The following DSCAM variants were observed in gnomAD, a reference collection of about 807,000 sequenced individuals.
The protein encoded by DSCAM is DS cell adhesion molecule.
Under a neutral mutation model 217.7 loss-of-function variants are expected in DSCAM, and 47 were observed. The ratio of observed to expected loss-of-function variants is 0.22; its 90% confidence interval spans 0.17 to 0.28. DSCAM has a LOEUF of 0.28. Ranked by LOEUF, DSCAM falls within the 10% of genes least tolerant of loss-of-function variation. DSCAM has a pLI of 1.00. For synonymous variants in DSCAM, 1,056 were observed against 1,015.3 expected (o/e 1.04, Z -0.76); for missense variants, 2,080 against 2,618.3 (o/e 0.79, Z 4.49).
At chr21:40,819,314 G>C (rs1427513542) in intron 1 of DSCAM, among the ~76,000 whole-genome samples, 1 of 152,218 alleles carries the variant, frequency 6.6e-6, no homozygotes, top group Admixed American at 6.5e-5. Context: ...ACAGCACTGT[G>C]CTGGGCTGCA....
intron 2 of DSCAM, among the ~76,000 whole-genome samples, chr21:40,703,475 C>A (rs2090679567): frequency 6.6e-6 from 1 of 152,082 alleles, no homozygotes; most frequent in Admixed American, 6.5e-5. Context: ...GCGATGATCA[C>A]CCCACTGCAC....
intron 3 of DSCAM, among the ~76,000 whole-genome samples, chr21:40,595,026 A>G (rs1277921725): frequency 6.6e-6 from 1 of 152,214 alleles, no homozygotes. Flanking sequence ...TAGCCCAGGC[A>G]GCACAGGGCA....
At chr21:40,382,782 G>T (rs2075040253) in intron 3 of DSCAM, among the ~76,000 whole-genome samples, 1 of 152,084 alleles carries the variant, frequency 6.6e-6, no homozygotes, top group East Asian at 1.9e-4. Flanking sequence ...TTCCCTAAAT[G>T]ACTTCCCCAG....
At chr21:40,145,866 G>A (rs775508195) in intron 16 of DSCAM, among the ~76,000 whole-genome samples, 8 of 151,712 alleles carry the variant, frequency 5.3e-5, no homozygotes, top group African/African-American at 1.7e-4. Context: ...AAAGATATGC[G>A]AATGCCACCA....
At chr21:40,663,593 T>C (rs551064951) in intron 3 of DSCAM, among the ~76,000 whole-genome samples, 29 of 152,276 alleles carry the variant, frequency 1.9e-4, no homozygotes, top group African/African-American at 6.7e-4. Flanking sequence ...CTAGACATGG[T>C]GACTCGTTCA....
chr21:40,450,298 C>T (rs2075707959), intron 3 of DSCAM, among the ~76,000 whole-genome samples: 1 of 152,098 alleles, frequency 6.6e-6, no homozygotes, highest in Non-Finnish European at 1.5e-5. Flanking sequence ...CTGAAGAGGC[C>T]GTCAAGTACA....
At chr21:40,272,243 C>T (rs1475991347) in intron 11 of DSCAM, among the ~76,000 whole-genome samples, 1 of 152,156 alleles carries the variant, frequency 6.6e-6, no homozygotes, top group Admixed American at 6.5e-5. Context: ...CCTACTCCCT[C>T]TGCCTTTTCT....
At chr21:40,751,043 CT>C (rs2091222409) in intron 1 of DSCAM, among the ~76,000 whole-genome samples, 1 of 152,182 alleles carries the variant, frequency 6.6e-6, no homozygotes, top group Non-Finnish European at 1.5e-5. Context: ...AACATCCTCT[CT>C]GTCCCTATCT....
Position 40,340,518 on chromosome 21 carries a change from G to C in DSCAM, c.1211-1103C>G, listed in dbSNP as rs141163215. Reference sequence around the variant, plus strand: ...AGCCTCAGGCATACAAATCAACACTGTGACACATTTTTTCTAGGCATAAGT... The same window carrying C: ...AGCCTCAGGCATACAAATCAACACTCTGACACATTTTTTCTAGGCATAAGT... On this transcript the variant is annotated intron_variant, in intron 6 of 32. Coordinates refer to ENST00000400454, the MANE Select transcript of DSCAM (RefSeq NM_001389.5). 2.0e-5 allele frequency among the ~76,000 whole-genome samples: 3 copies of C among 152,264 alleles called. No individual in the cohort carries two copies. In the East Asian group the frequency reaches 5.8e-4, roughly 29 times the overall value.
intron 8 of DSCAM, among the ~76,000 whole-genome samples, chr21:40,330,637 A>G (rs2074368544): frequency 6.6e-6 from 1 of 151,966 alleles, no homozygotes; most frequent in African/African-American, 2.4e-5. Context: ...CCTGCACTCA[A>G]TTTTGATATC....
intron 3 of DSCAM, among the ~76,000 whole-genome samples, chr21:40,630,238 T>G (rs1025572986): frequency 6.6e-6 from 1 of 152,176 alleles, no homozygotes; most frequent in Non-Finnish European, 1.5e-5. Context: ...GAGGTGAGAA[T>G]AAAATCTACA....
chr21:40,618,273 T>A (rs1454438030), intron 3 of DSCAM, among the ~76,000 whole-genome samples: 10 of 152,230 alleles, frequency 6.6e-5, no homozygotes, highest in Admixed American at 6.5e-4. Context: ...CATTTTAAAA[T>A]GTTACTGGGT....
chr21:40,450,321 G>A (rs1237126320), intron 3 of DSCAM, among the ~76,000 whole-genome samples: 2 of 152,116 alleles, frequency 1.3e-5, no homozygotes, highest in East Asian at 3.9e-4. Flanking sequence ...TTTTTAAAAT[G>A]TTCTAGTCCT....
At chr21:40,328,274 T>C (rs765823422) in intron 8 of DSCAM, among the ~76,000 whole-genome samples, 3 of 152,100 alleles carry the variant, frequency 2.0e-5, no homozygotes, top group South Asian at 2.1e-4. Context: ...CAAACAGCAT[T>C]GTACTTCCAT....
chr21:40,786,899 A>G (rs2091598855), intron 1 of DSCAM, among the ~76,000 whole-genome samples: 1 of 152,178 alleles, frequency 6.6e-6, no homozygotes, highest in Admixed American at 6.5e-5. Context: ...CTTATTTTTC[A>G]TATTACGAAT....
intron 3 of DSCAM, among the ~76,000 whole-genome samples, chr21:40,412,696 T>C (rs947222077): frequency 2.6e-5 from 4 of 152,238 alleles, no homozygotes; most frequent in Non-Finnish European, 5.9e-5. Flanking sequence ...TGGGAAAATT[T>C]GTAACATCAC....
At chr21:40,148,566 TTATC>T (rs1198482699) in intron 16 of DSCAM, among the ~76,000 whole-genome samples, 8 of 151,996 alleles carry the variant, frequency 5.3e-5, no homozygotes, top group South Asian at 2.1e-4. Flanking sequence ...CATCTCTAGG[TTATC>T]TTTCTATTTC....
intron 11 of DSCAM, chr21:40,212,321 A>C (rs2091193676): frequency 6.5e-6 from 1 of 154,240 alleles, no homozygotes; most frequent in Non-Finnish European, 1.5e-5. Flanking sequence ...GGCATAGAGA[A>C]CAACACAGAG....
rs539609354 is a variant in DSCAM at position 40,406,319 on chromosome 21, G to T, written c.509-37074C>A. Among the ~76,000 whole-genome samples the T allele has an allele frequency of 3.9e-5, 6 of 152,238 alleles. No individual in the cohort carries two copies. The South Asian group carries it at 1.2e-3, about 32-fold the overall frequency. ...TAGTTGGTATTTATCCAAAGGAAAT[G>T]ATATCAATATTTGAAGAGACAGCTA... On this transcript the variant is annotated intron_variant, in intron 3 of 32. Coordinates refer to ENST00000400454, the MANE Select transcript of DSCAM (RefSeq NM_001389.5).
Sources: gnomAD v4.1 joint callset for allele counts (sites outside exome capture counted in the v4.1 genomes callset) on GRCh38, gnomAD v4.1.1 for gene constraint, MANE v1.5 for transcripts, NCBI Gene and HGNC (gene_info 2026-07-23, HGNC 2026-07-21) for gene names.